Variants in CCSER1 observed in about 807,000 individuals in gnomAD.
The protein encoded by CCSER1 is serine-rich coiled-coil domain-containing protein 1.
Under a neutral mutation model 82.0 loss-of-function variants are expected in CCSER1, and 41 were observed. The ratio of observed to expected loss-of-function variants is 0.50; its 90% confidence interval spans 0.39 to 0.65. The LOEUF is 0.65. Among genes scored for constraint, CCSER1 ranks in the 30% least tolerant of loss-of-function variants. CCSER1 has a pLI of 0.00. For missense variants in CCSER1, 1,119 were observed against 1,064.2 expected (o/e 1.05, Z -0.72); for synonymous variants, 414 against 383.9 (o/e 1.08, Z -0.92).
intron 1 of CCSER1, among the ~76,000 whole-genome samples, chr4:90,206,594 G>C (rs542104760): frequency 1.3e-5 from 2 of 152,064 alleles, no homozygotes; most frequent in Admixed American, 1.3e-4. Context: ...TGCATTTGCT[G>C]AGGAGTGTTT....
intron 7 of CCSER1, among the ~76,000 whole-genome samples, chr4:90,811,365 T>G (rs1758264055): frequency 6.6e-6 from 1 of 152,184 alleles, no homozygotes; most frequent in East Asian, 1.9e-4. Flanking sequence ...TACAATACAC[T>G]ATGCTGAAGA....
chr4:90,908,606 A>AATAT (rs1308255857), intron 8 of CCSER1, among the ~76,000 whole-genome samples: 1 of 152,142 alleles, frequency 6.6e-6, no homozygotes, highest in Non-Finnish European at 1.5e-5. Flanking sequence ...AGATGCAATA[A>AATAT]ATATATAGTT....
At chr4:90,481,593 T>C (rs1412123251) in intron 5 of CCSER1, among the ~76,000 whole-genome samples, 1 of 152,234 alleles carries the variant, frequency 6.6e-6, no homozygotes, top group Non-Finnish European at 1.5e-5. Flanking sequence ...TTGTTGAATT[T>C]TGTCAAAAGC....
At chr4:91,144,732 A>C (rs2148937391) in intron 10 of CCSER1, among the ~76,000 whole-genome samples, 1 of 152,012 alleles carries the variant, frequency 6.6e-6, no homozygotes, top group South Asian at 2.1e-4. Context: ...AAGGGCATTC[A>C]GAAACAAGTT....
chr4:90,926,116 T>C (rs1332429114), intron 9 of CCSER1, among the ~76,000 whole-genome samples: 1 of 152,054 alleles, frequency 6.6e-6, no homozygotes, highest in Non-Finnish European at 1.5e-5. Context: ...TTTAATATTT[T>C]ATATGCAATA....
intron 1 of CCSER1, among the ~76,000 whole-genome samples, chr4:90,257,035 G>A (rs188676200): frequency 2.4e-4 from 37 of 152,044 alleles, no homozygotes; most frequent in African/African-American, 7.7e-4. Context: ...TCCACTGCGG[G>A]GGGGTCTTCG....
At chr4:91,095,712 T>C (rs1331675588) in intron 10 of CCSER1, among the ~76,000 whole-genome samples, 1 of 152,194 alleles carries the variant, frequency 6.6e-6, no homozygotes, top group East Asian at 1.9e-4. Flanking sequence ...CTCCTTTCCT[T>C]GGATGACTTC....
chr4:90,872,997 CT>C (rs1183825542), intron 8 of CCSER1, among the ~76,000 whole-genome samples: 1 of 151,736 alleles, frequency 6.6e-6, no homozygotes, highest in Non-Finnish European at 1.5e-5. Context: ...CTTTTAGGAC[CT>C]CTTTTAAAAA....
chr4:90,581,979 T>C (rs192516158), intron 5 of CCSER1, among the ~76,000 whole-genome samples: 2 of 152,110 alleles, frequency 1.3e-5, no homozygotes, highest in Middle Eastern at 3.4e-3. Flanking sequence ...GGAGGACCAA[T>C]TGATGAATTT....
intron 5 of CCSER1, among the ~76,000 whole-genome samples, chr4:90,476,425 G>A (rs1368895674): frequency 6.6e-6 from 1 of 152,008 alleles, no homozygotes; most frequent in Non-Finnish European, 1.5e-5. Context: ...TTAGAGGGTC[G>A]GTGGGGGCAT....
At chr4:90,490,636 A>AG (rs1767861141) in intron 5 of CCSER1, among the ~76,000 whole-genome samples, 1 of 152,136 alleles carries the variant, frequency 6.6e-6, no homozygotes, top group African/African-American at 2.4e-5. Flanking sequence ...GTTTTCTTGT[A>AG]GGGATTTTAT....
chr4:91,123,075 T>G (rs796607494), intron 10 of CCSER1, among the ~76,000 whole-genome samples: 1 of 151,756 alleles, frequency 6.6e-6, no homozygotes, highest in South Asian at 2.1e-4. Context: ...TTTATTATGC[T>G]GCAATCATGC....
Position 91,051,824 on chromosome 4 carries a change from C to T in CCSER1, c.2173-34126C>T, listed in dbSNP as rs748480479. Among the ~76,000 whole-genome samples the T allele has an allele frequency of 4.3e-4, 66 of 152,134 alleles. 2 individuals carry two copies. In the Middle Eastern group the frequency reaches 0.014, roughly 31 times the overall value. ...TTTGTGCATAATATCATAAATGTTG[C>T]TCATTGTGTACAAATATTCAAAGGC... On this transcript the variant is annotated intron_variant, in intron 9 of 10. Coordinates refer to ENST00000509176, the MANE Select transcript of CCSER1 (RefSeq NM_001145065.2).
intron 9 of CCSER1, among the ~76,000 whole-genome samples, chr4:90,975,662 A>C (rs891425408): frequency 6.6e-6 from 1 of 151,170 alleles, no homozygotes; most frequent in Non-Finnish European, 1.5e-5. Flanking sequence ...TATGGTTATC[A>C]TTGTCATTGT....
intron 5 of CCSER1, among the ~76,000 whole-genome samples, chr4:90,621,019 A>G (rs577060692): frequency 6.6e-6 from 1 of 152,098 alleles, no homozygotes; most frequent in South Asian, 2.1e-4. Context: ...GGGTTTCACC[A>G]TGTTGTCCAG....
intron 1 of CCSER1, among the ~76,000 whole-genome samples, chr4:90,285,359 A>C (rs1340723629): frequency 6.6e-6 from 1 of 151,860 alleles, no homozygotes; most frequent in Non-Finnish European, 1.5e-5. Flanking sequence ...GATATCTTTC[A>C]CTTGTAAAGT....
intron 7 of CCSER1, among the ~76,000 whole-genome samples, chr4:90,759,733 G>T (rs753454892): frequency 1.4e-4 from 21 of 152,046 alleles, no homozygotes; most frequent in African/African-American, 4.3e-4. Context: ...TGGTTTTCAC[G>T]ATCTGATACT....
At chr4:90,813,398 T>C (rs1216353108) in intron 7 of CCSER1, among the ~76,000 whole-genome samples, 1 of 152,190 alleles carries the variant, frequency 6.6e-6, no homozygotes, top group African/African-American at 2.4e-5. Flanking sequence ...TGTGGCTCTG[T>C]GGGGTATATC....
At chr4:90,349,805 A>T (rs1236374798) in intron 3 of CCSER1, among the ~76,000 whole-genome samples, 1 of 152,106 alleles carries the variant, frequency 6.6e-6, no homozygotes, top group Non-Finnish European at 1.5e-5. Context: ...GTCACGTATA[A>T]CCACAGGAAA....
Sources: allele counts gnomAD v4.1 joint callset (sites outside exome capture counted in the v4.1 genomes callset), GRCh38; gene constraint gnomAD v4.1.1; transcripts MANE v1.5; gene names NCBI Gene and HGNC (gene_info 2026-07-23, HGNC 2026-07-21).